Variants in HSD17B4 observed in about 807,000 individuals in gnomAD.
HSD17B4 encodes hydroxysteroid 17-beta dehydrogenase 4.
HSD17B4 carries 70 observed loss-of-function variants against 101.0 expected under a neutral mutation model. The ratio of observed to expected loss-of-function variants is 0.69; its 90% CI spans 0.57 to 0.85. HSD17B4 has a LOEUF of 0.85. Ranked by LOEUF, HSD17B4 falls within the 40% of genes least tolerant of loss-of-function variation. The probability of loss-of-function intolerance (pLI) is 0.00; values close to 1 mark genes in which losing one functional copy is unlikely to be tolerated. For synonymous variants in HSD17B4, 347 were observed against 297.1 expected (o/e 1.17, Z -1.73); for missense variants, 984 against 892.4 (o/e 1.10, Z -1.31).
intron 2 of HSD17B4, among the ~76,000 whole-genome samples, chr5:119,473,323 T>TTC (rs1316948540): frequency 2.7e-5 from 4 of 146,182 alleles, no homozygotes; most frequent in African/African-American, 1.0e-4. Flanking sequence ...CCTTTTTTTT[T>TTC]TTTTTTTTTT....
intron 23 of HSD17B4, among the ~76,000 whole-genome samples, chr5:119,538,892 T>C (rs547463562): frequency 6.6e-6 from 1 of 152,320 alleles, no homozygotes; most frequent in African/African-American, 2.4e-5. Context: ...GTTTACATTT[T>C]ACTTTTTGAC....
intron 14 of HSD17B4, among the ~76,000 whole-genome samples, chr5:119,504,783 A>G (rs1183840132): frequency 6.6e-6 from 1 of 151,896 alleles, no homozygotes. Context: ...CTTTGTTTTG[A>G]TCGTAATTGC....
At chr5:119,475,937 A>T (rs1748542125) in intron 6 of HSD17B4, 67 bp downstream of exon 6, 1 of 1,199,296 alleles carries the variant, frequency 8.3e-7, no homozygotes, top group Non-Finnish European at 1.2e-6. Context: ...TATTTGATAA[A>T]TTTATACATT....
chr5:119,523,182 T>C (rs989930008), intron 17 of HSD17B4, among the ~76,000 whole-genome samples: 1 of 152,176 alleles, frequency 6.6e-6, no homozygotes, highest in Admixed American at 6.6e-5. Flanking sequence ...ACTAGTTTCC[T>C]GAGCCTATTT....
chr5:119,452,600 G>C lies in HSD17B4; in HGVS notation c.25G>C (p.Gly9Arg). Residue 9 changes from glycine (G) to arginine (R), a missense_variant, in exon 1 of 24, where the codon GGG (glycine) becomes CGG (arginine). Transcript: ENST00000510025. MGSPLRFD[G>R]RVVLVTGAGA... is the part of the protein sequence containing the mutation. ...CATGGGCTCACCGCTGAGGTTCGACGGGCGGGTGGTACTGGTCACCGGCGC... is the reference window on the plus strand; with the variant it reads ...CATGGGCTCACCGCTGAGGTTCGACCGGCGGGTGGTACTGGTCACCGGCGC... 1 of 1,614,030 alleles carries C rather than the reference G, an allele frequency of 6.2e-7. No homozygotes were observed. The highest frequency in any genetic ancestry group is 8.5e-7 in the Non-Finnish European group (1 of 1,179,992).
At chr5:119,476,508 A>G (rs927704888) in intron 6 of HSD17B4, 3 of 959,350 alleles carry the variant, frequency 3.1e-6, no homozygotes, top group East Asian at 1.1e-4. Flanking sequence ...AGGTGAAACA[A>G]TTGTATCATT....
chr5:119,459,563 T>C (rs1334034197), intron 2 of HSD17B4, among the ~76,000 whole-genome samples: 7 of 152,146 alleles, frequency 4.6e-5, no homozygotes, highest in Non-Finnish European at 7.4e-5. Flanking sequence ...TAATGTATTT[T>C]AAAAAAGGAA....
chr5:119,536,655 T>TG, intron 23 of HSD17B4, 105 bp downstream of exon 23: 3 of 1,056,172 alleles, frequency 2.8e-6, no homozygotes, highest in Non-Finnish European at 4.4e-6. Flanking sequence ...GCCAGGTTTC[T>TG]TACAACTCTG....
At chr5:119,473,840 AC>A in intron 2 of HSD17B4, 67 bp from the exon 3 acceptor site, 1 of 156,210 alleles carries the variant, frequency 6.4e-6, no homozygotes, top group Non-Finnish European at 1.0e-5. Flanking sequence ...TTCATTTTCC[AC>A]ACACACACAC....
chr5:119,507,014 A>G, intron 15 of HSD17B4, 125 bp downstream of exon 15: 10 of 580,006 alleles, frequency 1.7e-5, no homozygotes, highest in East Asian at 3.2e-5. Context: ...AGAAAACAAG[A>G]TAAGCATTTT....
chr5:119,531,517 T>G (rs1413929661), intron 22 of HSD17B4, 113 bp downstream of exon 22: 1 of 1,023,504 alleles, frequency 9.8e-7, no homozygotes, highest in East Asian at 2.6e-5. Context: ...TTTAGGTAAG[T>G]TTTTTTTCTT....
At chr5:119,525,708 G>GTTTTTTTTTTTTTTTT in intron 18 of HSD17B4, 1 of 564,876 alleles carries the variant, frequency 1.8e-6, no homozygotes, top group Non-Finnish European at 3.1e-6. Context: ...TTCTTTTCCT[G>GTTTTTTTTTTTTTTTT]TTTTGTTTTT....
At chr5:119,496,516 T>A in intron 11 of HSD17B4, 27 bp from the exon 12 acceptor site, 1 of 1,142,486 alleles carries the variant, frequency 8.8e-7, no homozygotes, top group Non-Finnish European at 1.3e-6. Flanking sequence ...AAGCTTTATT[T>A]TTTTTGTTTT....
Position 119,499,330 on chromosome 5 carries a change from G to A in HSD17B4, c.986G>A (p.Gly329Asp), listed in dbSNP as rs1225907629. 6 of 1,611,436 alleles carry A rather than the reference G, an allele frequency of 3.7e-6. No homozygotes were observed. Among genetic ancestry groups the A allele is most frequent in the Non-Finnish European group, 5.1e-6 (6 of 1,177,628 alleles). ...TATSGFAGAI[G>D]QKLPPFSYAY... is the part of the protein sequence containing the mutation. ...AACTGTTCTTAGGCTGGAGCTATTG[G>A]CCAGAAACTCCCTCCATTTTCTTAT... Residue 329 changes from glycine (G) to aspartate (D), a missense_variant, in exon 13 of 24, where the codon GGC (glycine) becomes GAC (aspartate). Coordinates refer to ENST00000510025, the MANE Select transcript of HSD17B4 (RefSeq NM_000414.4).
At chr5:119,457,390 C>T (rs1337077848) in intron 2 of HSD17B4, among the ~76,000 whole-genome samples, 2 of 152,200 alleles carry the variant, frequency 1.3e-5, no homozygotes, top group Non-Finnish European at 2.9e-5. Flanking sequence ...ACCAGGTTTT[C>T]TAAACAAGCC....
chr5:119,526,954 T>A (rs1753653878), intron 19 of HSD17B4, among the ~76,000 whole-genome samples, 179 bp from the exon 20 acceptor site: 1 of 152,038 alleles, frequency 6.6e-6, no homozygotes, highest in Admixed American at 6.6e-5. Flanking sequence ...TTATATTAGT[T>A]ACATCTTTAT....
intron 8 of HSD17B4, among the ~76,000 whole-genome samples, chr5:119,481,718 C>T (rs1175063848): frequency 1.3e-5 from 2 of 152,090 alleles, no homozygotes; most frequent in African/African-American, 2.4e-5. Context: ...AAAAATGACA[C>T]TGATAGACTT....
chr5:119,476,012 A>C (rs1748549671), intron 6 of HSD17B4, 142 bp downstream of exon 6: 1 of 668,958 alleles, frequency 1.5e-6, no homozygotes, highest in Non-Finnish European at 2.7e-6. Context: ...CTGTATACTG[A>C]AGACAATGAA....
chr5:119,501,902 A>C, intron 13 of HSD17B4, 139 bp from the exon 14 acceptor site: 1 of 649,702 alleles, frequency 1.5e-6, no homozygotes, highest in South Asian at 1.9e-5. Flanking sequence ...GATTAAGAAG[A>C]AGCCAAACAG....
Sources: allele counts gnomAD v4.1 joint callset (sites outside exome capture counted in the v4.1 genomes callset), GRCh38; gene constraint gnomAD v4.1.1; transcripts MANE v1.5; gene names NCBI Gene and HGNC (gene_info 2026-07-23, HGNC 2026-07-21).